Variants in NUP155 observed in about 807,000 individuals in gnomAD.
The protein encoded by NUP155 is nuclear pore complex protein Nup155.
Under a neutral mutation model 180.4 loss-of-function variants are expected in NUP155, and 71 were observed. That is an observed-to-expected ratio of 0.39 (90% CI 0.33 to 0.48). NUP155 has a LOEUF of 0.48. NUP155 is among the 20% of genes least tolerant of loss of function. NUP155 has a pLI of 0.91. For synonymous variants in NUP155, 582 were observed against 559.5 expected (o/e 1.04, Z -0.57); for missense variants, 1,553 against 1,648.9 (o/e 0.94, Z 1.01).
chr5:37,337,590 C>T (rs936489823), intron 12 of NUP155, among the ~76,000 whole-genome samples: 3 of 151,940 alleles, frequency 2.0e-5, no homozygotes, highest in Non-Finnish European at 2.9e-5. Flanking sequence ...GAAAATATTC[C>T]GTAAGGGTCC....
At chr5:37,327,854 C>A (rs1214354337) in intron 17 of NUP155, 78 bp from the exon 18 acceptor site, 1 of 1,491,376 alleles carries the variant, frequency 6.7e-7, no homozygotes, top group Non-Finnish European at 9.3e-7. Flanking sequence ...AATCTTAGAA[C>A]CCATAAATCT....
intron 33 of NUP155, 130 bp from the exon 34 acceptor site, chr5:37,293,115 G>A (rs1391915809): frequency 9.1e-6 from 6 of 661,620 alleles, no homozygotes; most frequent in Non-Finnish European, 1.6e-5. Flanking sequence ...AATATCACAT[G>A]GCTACTAAAT....
rs1034544305 is a variant in NUP155 at position 37,348,487 on chromosome 5, T to A, written c.995+18A>T. 10 of 1,478,096 alleles carry A rather than the reference T, an allele frequency of 6.8e-6. No homozygotes were observed. The highest frequency in any genetic ancestry group is 2.3e-5 in the South Asian group (2 of 88,244). 91.6% of individuals were successfully genotyped at this position (1,478,096 alleles called of 1,614,324 possible). On this transcript the variant is annotated intron_variant, in intron 9 of 34. Coordinates refer to ENST00000231498, the MANE Select transcript of NUP155 (RefSeq NM_153485.3). Reference sequence around the variant, plus strand: ...TTATGCCTGCAAATGAAATGCTTAATAATAAATTACATGTTACCTAGCAAT... The same window carrying A: ...TTATGCCTGCAAATGAAATGCTTAAAAATAAATTACATGTTACCTAGCAAT...
intron 21 of NUP155, among the ~76,000 whole-genome samples, chr5:37,316,135 G>A (rs369313092): frequency 1.3e-5 from 2 of 152,208 alleles, no homozygotes; most frequent in East Asian, 1.9e-4. Context: ...CATTATTCAC[G>A]ATAGCCAAAA....
intron 9 of NUP155, among the ~76,000 whole-genome samples, chr5:37,343,093 G>C (rs562987828): frequency 6.9e-6 from 1 of 144,324 alleles, no homozygotes; most frequent in African/African-American, 2.6e-5. Flanking sequence ...TCTTTTTTTT[G>C]AGACGGAGTC....
intron 25 of NUP155, 77 bp from the exon 26 acceptor site, chr5:37,305,287 T>C: frequency 1.5e-6 from 2 of 1,306,430 alleles, no homozygotes; most frequent in Non-Finnish European, 2.2e-6. Flanking sequence ...GACTCACGCC[T>C]GTAATGCCAG....
At chr5:37,326,037 T>A in intron 18 of NUP155, 70 bp from the exon 19 acceptor site, 2 of 1,100,306 alleles carry the variant, frequency 1.8e-6, no homozygotes, top group Non-Finnish European at 2.8e-6. Flanking sequence ...TTTCTTTCTC[T>A]AGGAACTTAA....
At chr5:37,327,593 G>A in intron 18 of NUP155, 36 bp downstream of exon 18, 1 of 1,610,636 alleles carries the variant, frequency 6.2e-7, no homozygotes, top group Non-Finnish European at 8.5e-7. Context: ...GATGGGACAA[G>A]GTGAGCAATA....
At position 37,325,971 on chromosome 5, in the gene NUP155, G is replaced by T. The variant is rs1561786416; in HGVS notation, c.2025-4C>A. On this transcript the variant is annotated splice_region_variant and splice_polypyrimidine_tract_variant and intron_variant, in intron 18 of 34. Coordinates refer to ENST00000231498, the MANE Select transcript of NUP155 (RefSeq NM_153485.3). ...TAAGCTTGCATCCCAAATGTTTCTG[G>T]AAAAAAAAAAGTTTTAATGATTGTG... is the stretch of plus-strand genomic sequence containing the variant. The T allele has an allele frequency of 3.3e-6, 5 of 1,509,434 alleles. No individual in the cohort carries two copies. The highest frequency in any genetic ancestry group is 4.5e-6 in the Non-Finnish European group (5 of 1,107,962). 93.5% of individuals were successfully genotyped at this position (1,509,434 alleles called of 1,614,324 possible). A position where few individuals can be genotyped will look rare whatever the true frequency, so the allele number is the denominator to read the frequency against.
At position 37,302,765 on chromosome 5, in the gene NUP155, T is replaced by C. The variant is rs771506536; in HGVS notation, c.3447+14A>G. ...TACTCAATGTGGACACAGCTTAAGA[T>C]CTTTAGCACTTACCTCCATTTTTTC... On this transcript the variant is annotated intron_variant, in intron 29 of 34. Transcript: ENST00000231498. 2.2e-5 allele frequency: 35 copies of C among 1,613,664 alleles called. No homozygotes were observed. In the East Asian group the frequency reaches 7.6e-4, roughly 35 times the overall value.
chr5:37,303,302 C>T lies in NUP155; in HGVS notation c.3275G>A (p.Ser1092Asn). Residue 1092 changes from serine (S) to asparagine (N), a missense_variant, in exon 28 of 35, where the codon AGT becomes AAT. Coordinates refer to ENST00000231498, the MANE Select transcript of NUP155 (RefSeq NM_153485.3). ...WRYYEKNRSF[S>N]NAARVLSRLA... ...TCTGGACAGTACACGAGCAGCATTA[C>T]TGAAACTTCTGTTCTTCTCGTAATA... 1 of 1,614,146 alleles carries T rather than the reference C, an allele frequency of 6.2e-7. No homozygotes were observed. Among genetic ancestry groups the T allele is most frequent in the Non-Finnish European group, 8.5e-7 (1 of 1,179,992 alleles).
rs192066457 is a variant in NUP155, at chr5:37,309,227, T to C, written c.2669A>G (p.Lys890Arg). 1.2e-5 allele frequency: 19 copies of C among 1,613,518 alleles called. No homozygotes were observed. The Admixed American group carries it at 2.8e-4, about 24-fold the overall frequency. ...LLQRSRQVQN[K>R]TEKERMLRES... ...CCTTAACATTCTTTCTTTTTCAGTC[T>C]TATTTTGAACTTGTCGGGAACGCTG... The change falls in exon 24 of 35, where the codon AAG (lysine) becomes AGG (arginine). Residue 890 changes from lysine (K) to arginine (R), a missense_variant. Transcript: ENST00000231498.
chr5:37,349,256 GAC>G lies in NUP155; in HGVS notation c.830-13_830-12del. On this transcript the variant is annotated splice_polypyrimidine_tract_variant and intron_variant, in intron 7 of 34. Coordinates refer to ENST00000231498, the MANE Select transcript of NUP155 (RefSeq NM_153485.3). ...TTTGAAGAATAGGATCTAAAAGTAAGACAAAAAAAAAAAAGAGAAAAAAGTAA... is the reference window on the plus strand; with the variant it reads ...TTTGAAGAATAGGATCTAAAAGTAAGAAAAAAAAAAAAGAGAAAAAAGTAA... The G allele has an allele frequency of 1.5e-6, 1 of 671,024 alleles. No individual in the cohort carries two copies. The highest frequency in any genetic ancestry group is 2.3e-6 in the Non-Finnish European group (1 of 432,690). The allele number at this position is 671,024 out of a possible 1,614,324, so 41.6% of individuals were successfully genotyped here.
At chr5:37,304,868 T>C in intron 26 of NUP155, 25 bp from the exon 27 acceptor site, 1 of 1,599,516 alleles carries the variant, frequency 6.3e-7, no homozygotes, top group Non-Finnish European at 8.6e-7. Context: ...ATAGTAAAAA[T>C]TAGCAGTTAA....
chr5:37,353,174 T>C (rs1207448144), intron 4 of NUP155, among the ~76,000 whole-genome samples: 2 of 152,070 alleles, frequency 1.3e-5, no homozygotes, highest in Non-Finnish European at 2.9e-5. Context: ...CCCATGTTCA[T>C]AGCAGTGTTT....
In NUP155 at chr5:37,350,142, T is replaced by G. The variant is rs1410908050; in HGVS notation, c.829+18A>C. The G allele has an allele frequency of 1.9e-6, 3 of 1,572,382 alleles. No individual in the cohort carries two copies. The highest frequency in any genetic ancestry group is 2.2e-5 in the South Asian group (2 of 90,230). ...TAGAAATTAGTTGTACTTGCCAAATTTATTGTTTTCTACTTACCATCTTCT... is the reference window on the plus strand; with the variant it reads ...TAGAAATTAGTTGTACTTGCCAAATGTATTGTTTTCTACTTACCATCTTCT... On this transcript the variant is annotated intron_variant, in intron 7 of 34. Transcript: ENST00000231498.
intron 4 of NUP155, among the ~76,000 whole-genome samples, chr5:37,354,310 C>G (rs1189539622): frequency 6.6e-6 from 1 of 152,016 alleles, no homozygotes; most frequent in Non-Finnish European, 1.5e-5. Context: ...CCATGCCCAG[C>G]TTATTTTGTA....
At position 37,364,384 on chromosome 5, in the gene NUP155, T is replaced by G. The variant is rs1254690350; in HGVS notation, c.158A>C (p.Asn53Thr). The G allele has an allele frequency of 6.2e-7, 1 of 1,611,956 alleles. No homozygotes were observed. Among genetic ancestry groups the G allele is most frequent in the African/African-American group, 1.3e-5 (1 of 74,864 alleles). The stretch of plus-strand genomic sequence containing the variant: ...TGACATGCCAGAAACGGTGGGATTA[T>G]CTACAAAAAGAAAATGAAGTATTTA... ...LSELLMVSAP[N>T]NPTVSGMSDM... Residue 53 changes from asparagine to threonine, a missense_variant and splice_region_variant, in exon 2 of 35, where the codon AAT (asparagine) becomes ACT (threonine). Transcript: ENST00000231498.
chr5:37,309,119 T>C lies in NUP155; in HGVS notation c.2767+10A>G, dbSNP rs187901080. On this transcript the variant is annotated intron_variant, in intron 24 of 34. Coordinates refer to ENST00000231498, the MANE Select transcript of NUP155 (RefSeq NM_153485.3). ...TGAGTAAAAGATACAAGAAACATTT[T>C]ATTTCTCACCTTGTCTATACTGAGC... 2.5e-5 allele frequency: 41 copies of C among 1,612,476 alleles called. No homozygotes were observed. The East Asian group carries it at 8.3e-4, about 32-fold the overall frequency.
Sources: allele counts gnomAD v4.1 joint callset (sites outside exome capture counted in the v4.1 genomes callset), GRCh38; gene constraint gnomAD v4.1.1; transcripts MANE v1.5; gene names NCBI Gene and HGNC (gene_info 2026-07-23, HGNC 2026-07-21).